The following CACHD1 variants were observed in gnomAD, a reference collection of about 807,000 sequenced individuals.
The protein encoded by CACHD1 is cache domain containing 1.
Under a neutral mutation model 138.7 loss-of-function variants are expected in CACHD1, and 71 were observed. That is an observed-to-expected ratio of 0.51 (90% confidence interval 0.42 to 0.62). The LOEUF is 0.62. Ranked by LOEUF, CACHD1 falls within the 20% of genes least tolerant of loss-of-function variation. CACHD1 has a pLI of 0.00. For synonymous variants in CACHD1, 578 were observed against 591.5 expected (o/e 0.98, Z 0.33); for missense variants, 1,389 against 1,625.3 (o/e 0.85, Z 2.50).
chr1:64,562,715 C>T (rs1646851798), intron 2 of CACHD1, among the ~76,000 whole-genome samples: 1 of 151,944 alleles, frequency 6.6e-6, no homozygotes, highest in South Asian at 2.1e-4. Context: ...GCCACTGTGC[C>T]TGGCCCTATT....
Position 64,512,393 on chromosome 1 carries a change from C to CAAAAA in CACHD1, c.199-38179_199-38175dup, listed in dbSNP as rs551616431. Among the ~76,000 whole-genome samples, 23 of 78,596 alleles carry CAAAAA rather than the reference C, an allele frequency of 2.9e-4. 3 individuals carry two copies. Among genetic ancestry groups the CAAAAA allele is most frequent in the African/African-American group, 1.3e-3 (21 of 15,578 alleles). 51.6% of individuals were successfully genotyped at this position (78,596 alleles called of 152,430 possible). ...TCGGTGACACAGTGAGACTGTGTCT[C>CAAAAA]AAAAAAAAAAAAAAAAAAAAAAAAA... On this transcript the variant is annotated intron_variant, in intron 1 of 26. Coordinates refer to ENST00000651257, the MANE Select transcript of CACHD1 (RefSeq NM_020925.4).
At chr1:64,572,977 C>A (rs1570379153) in intron 2 of CACHD1, among the ~76,000 whole-genome samples, 1 of 152,180 alleles carries the variant, frequency 6.6e-6, no homozygotes, top group Non-Finnish European at 1.5e-5. Flanking sequence ...CAGGCTCTGT[C>A]CTACTGAGTA....
At chr1:64,558,947 A>G (rs1646818566) in intron 2 of CACHD1, among the ~76,000 whole-genome samples, 1 of 152,234 alleles carries the variant, frequency 6.6e-6, no homozygotes, top group Non-Finnish European at 1.5e-5. Context: ...ACAATGAGAT[A>G]CCATCTCACA....
chr1:64,546,872 T>A (rs1646722119), intron 1 of CACHD1, among the ~76,000 whole-genome samples: 1 of 152,202 alleles, frequency 6.6e-6, no homozygotes, highest in African/African-American at 2.4e-5. Context: ...CTGGGATTCT[T>A]TAATTACCCT....
At chr1:64,570,352 G>A (rs994237476) in intron 2 of CACHD1, among the ~76,000 whole-genome samples, 8 of 152,162 alleles carry the variant, frequency 5.3e-5, no homozygotes, top group African/African-American at 1.9e-4. Context: ...AAAGACTCTG[G>A]GGAGGTAGGG....
intron 4 of CACHD1, among the ~76,000 whole-genome samples, chr1:64,609,487 G>T (rs543362486): frequency 1.3e-5 from 2 of 152,244 alleles, no homozygotes; most frequent in African/African-American, 4.8e-5. Flanking sequence ...TGCATACACA[G>T]AATTAAGGAA....
intron 4 of CACHD1, among the ~76,000 whole-genome samples, chr1:64,627,062 T>G (rs1388245199): frequency 1.3e-5 from 2 of 151,914 alleles, no homozygotes; most frequent in Admixed American, 1.3e-4. Flanking sequence ...TGGATATAAA[T>G]ACAGTGAACT....
chr1:64,569,613 T>C (rs1052021573), intron 2 of CACHD1, among the ~76,000 whole-genome samples: 2 of 152,200 alleles, frequency 1.3e-5, no homozygotes, highest in African/African-American at 2.4e-5. Context: ...GCTCCCACTC[T>C]GGTGTGCCTC....
intron 3 of CACHD1, among the ~76,000 whole-genome samples, chr1:64,585,586 A>G (rs1647045376): frequency 6.6e-6 from 1 of 152,254 alleles, no homozygotes; most frequent in African/African-American, 2.4e-5. Flanking sequence ...GACAGAGCCA[A>G]GAACTGCTTG....
At chr1:64,619,645 G>T (rs1647836889) in intron 4 of CACHD1, among the ~76,000 whole-genome samples, 1 of 152,112 alleles carries the variant, frequency 6.6e-6, no homozygotes, top group South Asian at 2.1e-4. Context: ...CTCTCTCTCA[G>T]GTACCCTCAT....
At chr1:64,578,590 T>C (rs1646987557) in intron 2 of CACHD1, among the ~76,000 whole-genome samples, 1 of 152,222 alleles carries the variant, frequency 6.6e-6, no homozygotes, top group African/African-American at 2.4e-5. Flanking sequence ...GGCTTATCTC[T>C]GCTTCATGAT....
At chr1:64,586,682 T>A (rs922578461) in intron 3 of CACHD1, among the ~76,000 whole-genome samples, 10 of 152,192 alleles carry the variant, frequency 6.6e-5, no homozygotes, top group Admixed American at 2.6e-4. Context: ...GACATTTTTT[T>A]AAATTTGATT....
chr1:64,475,078 A>G (rs1467423093), intron 1 of CACHD1, among the ~76,000 whole-genome samples: 1 of 152,184 alleles, frequency 6.6e-6, no homozygotes, highest in Non-Finnish European at 1.5e-5. Flanking sequence ...AGTGTCAAAG[A>G]TATAAAGCAA....
At chr1:64,679,533 C>T in intron 23 of CACHD1, 62 bp from the exon 24 acceptor site, 1 of 1,582,818 alleles carries the variant, frequency 6.3e-7, no homozygotes, top group Non-Finnish European at 8.6e-7. Flanking sequence ...TCTCACCATC[C>T]TTACTTTCTT....
intron 4 of CACHD1, among the ~76,000 whole-genome samples, chr1:64,603,473 A>G (rs1557515077): frequency 6.6e-6 from 1 of 152,154 alleles, no homozygotes; most frequent in Non-Finnish European, 1.5e-5. Context: ...TCTTCAATCT[A>G]TTAACTCATT....
At position 64,636,209 on chromosome 1, in the gene CACHD1, T is replaced by C. The variant is rs79728418; in HGVS notation, c.1006+1949T>C. Among the ~76,000 whole-genome samples, 583 of 152,286 alleles carry C rather than the reference T, an allele frequency of 3.8e-3. 20 individuals are homozygous for C. Among genetic ancestry groups the C allele is most frequent in the East Asian group, 0.013 (69 of 5,178 alleles). ...AAAGAATACATTTCCAAGCCCTTCATTGTGTCTGTGTTTAAACTAAGCACT... is the reference window on the plus strand; with the variant it reads ...AAAGAATACATTTCCAAGCCCTTCACTGTGTCTGTGTTTAAACTAAGCACT... On this transcript the variant is annotated intron_variant, in intron 7 of 26. Coordinates refer to ENST00000651257, the MANE Select transcript of CACHD1 (RefSeq NM_020925.4).
At chr1:64,510,514 T>C (rs941808634) in intron 1 of CACHD1, among the ~76,000 whole-genome samples, 6 of 152,200 alleles carry the variant, frequency 3.9e-5, no homozygotes, top group Middle Eastern at 3.2e-3. Flanking sequence ...CAGCCAGGTA[T>C]TCACAGTCGC....
chr1:64,555,193 T>A (rs1646787622), intron 2 of CACHD1, among the ~76,000 whole-genome samples: 1 of 152,090 alleles, frequency 6.6e-6, no homozygotes, highest in Non-Finnish European at 1.5e-5. Context: ...TTCTCCACGT[T>A]GCCCAGGCTG....
At chr1:64,633,445 T>A (rs1382230692) in intron 6 of CACHD1, among the ~76,000 whole-genome samples, 1 of 152,038 alleles carries the variant, frequency 6.6e-6, no homozygotes, top group African/African-American at 2.4e-5. Context: ...GAGGTTACGC[T>A]GAGGAGGAGA....
Sources: allele counts gnomAD v4.1 joint callset (sites outside exome capture counted in the v4.1 genomes callset), GRCh38; gene constraint gnomAD v4.1.1; transcripts MANE v1.5; gene names NCBI Gene and HGNC (gene_info 2026-07-23, HGNC 2026-07-21).